The following LRBA variants were observed in gnomAD, a reference collection of about 807,000 sequenced individuals.
LRBA encodes the protein lipopolysaccharide-responsive and beige-like anchor protein.
A neutral mutation model predicts 330.0 loss-of-function variants in LRBA; 176 were observed. The observed-to-expected ratio is 0.53, with a 90% CI of 0.47 to 0.60. The LOEUF is 0.60. Ranked by LOEUF, LRBA falls within the 20% of genes least tolerant of loss-of-function variation. LRBA has a pLI of 0.00. For missense variants in LRBA, 3,259 were observed against 3,444.8 expected, an observed-to-expected ratio of 0.95 and a Z score of 1.35; for synonymous variants, 1,230 against 1,193.0, an observed-to-expected ratio of 1.03 and a Z score of -0.64.
chr4:150,416,792 C>T (rs1451321450), intron 46 of LRBA, among the ~76,000 whole-genome samples: 1 of 151,912 alleles, frequency 6.6e-6, no homozygotes, highest in Non-Finnish European at 1.5e-5. Flanking sequence ...AAGCAAAAAG[C>T]CATATCCAAT....
intron 53 of LRBA, among the ~76,000 whole-genome samples, 170 bp downstream of exon 53, chr4:150,302,455 A>G (rs770691851): frequency 1.3e-5 from 2 of 152,322 alleles, no homozygotes; most frequent in South Asian, 2.1e-4. Context: ...TTAATTATCA[A>G]TGGTCACAAA....
At chr4:150,696,512 A>G (rs1196393019) in intron 36 of LRBA, among the ~76,000 whole-genome samples, 2 of 152,220 alleles carry the variant, frequency 1.3e-5, no homozygotes, top group Non-Finnish European at 2.9e-5. Flanking sequence ...ATTGCCAGTC[A>G]TATAAAGGTA....
chr4:150,371,713 T>G (rs1341439765), intron 47 of LRBA, among the ~76,000 whole-genome samples: 1 of 151,680 alleles, frequency 6.6e-6, no homozygotes, highest in Non-Finnish European at 1.5e-5. Flanking sequence ...TTTATAAATA[T>G]ATAATATTAA....
chr4:151,001,637 C>T (rs1382646462), intron 2 of LRBA, among the ~76,000 whole-genome samples: 2 of 152,094 alleles, frequency 1.3e-5, no homozygotes, highest in African/African-American at 4.8e-5. Flanking sequence ...ACACCCACCG[C>T]CAATATACAC....
chr4:150,639,777 A>ATGTG, intron 37 of LRBA, among the ~76,000 whole-genome samples: 1 of 3,952 alleles, frequency 2.5e-4, no homozygotes, highest in African/African-American at 1.0e-3. Context: ...ATATATATAT[A>ATGTG]TATATGTGTG....
intron 47 of LRBA, among the ~76,000 whole-genome samples, chr4:150,370,261 T>C (rs1011401123): frequency 6.6e-6 from 1 of 152,114 alleles, no homozygotes; most frequent in South Asian, 2.1e-4. Context: ...TTATTCACAA[T>C]TGCCAAAAGT....
intron 29 of LRBA, among the ~76,000 whole-genome samples, 177 bp from the exon 30 acceptor site, chr4:150,828,798 A>G (rs1185467898): frequency 6.6e-6 from 1 of 152,196 alleles, no homozygotes; most frequent in Non-Finnish European, 1.5e-5. Context: ...TGCACCTATT[A>G]TCAAGACAGA....
chr4:150,471,823 T>C (rs1756165112), intron 42 of LRBA, 84 bp from the exon 43 acceptor site: 1 of 733,852 alleles, frequency 1.4e-6, no homozygotes, highest in Admixed American at 2.4e-5. Context: ...TCATTCATAA[T>C]ATCTATAATT....
At chr4:150,916,016 T>C (rs1253791685) in intron 7 of LRBA, among the ~76,000 whole-genome samples, 1 of 152,140 alleles carries the variant, frequency 6.6e-6, no homozygotes, top group Non-Finnish European at 1.5e-5. Flanking sequence ...TTCCACCAAC[T>C]AGATTCCATA....
intron 2 of LRBA, among the ~76,000 whole-genome samples, chr4:150,961,889 T>C (rs1738187593): frequency 6.7e-6 from 1 of 149,408 alleles, no homozygotes; most frequent in Non-Finnish European, 1.5e-5. Flanking sequence ...AAGAATCTTA[T>C]GTATATTAAA....
At chr4:150,388,022 T>C (rs570754789) in intron 47 of LRBA, among the ~76,000 whole-genome samples, 3 of 152,198 alleles carry the variant, frequency 2.0e-5, no homozygotes, top group African/African-American at 7.2e-5. Context: ...GGCTTAAACA[T>C]GAGAAATCTA....
intron 34 of LRBA, among the ~76,000 whole-genome samples, chr4:150,776,946 C>T (rs1737422436): frequency 6.6e-6 from 1 of 151,960 alleles, no homozygotes; most frequent in Admixed American, 6.6e-5. Flanking sequence ...TTGAAAATCT[C>T]TAAAAAATAG....
chr4:150,407,449 AAAAC>A (rs1478755491), intron 47 of LRBA, among the ~76,000 whole-genome samples: 1 of 152,184 alleles, frequency 6.6e-6, no homozygotes, highest in Non-Finnish European at 1.5e-5. Flanking sequence ...TAGCAAAACA[AAAAC>A]AAACAAAAAC....
At chr4:150,644,003 C>T (rs561179845) in intron 37 of LRBA, among the ~76,000 whole-genome samples, 40 of 151,814 alleles carry the variant, frequency 2.6e-4, no homozygotes, top group African/African-American at 8.7e-4. Context: ...TATAGATGAC[C>T]GTGTTTCAAA....
chr4:150,634,132 G>A (rs549638032), intron 37 of LRBA, among the ~76,000 whole-genome samples: 24 of 152,056 alleles, frequency 1.6e-4, no homozygotes, highest in African/African-American at 4.6e-4. Context: ...GAGTTTTCCC[G>A]TCTTCATCTA....
At chr4:150,872,473 T>A (rs1008666968) in intron 18 of LRBA, among the ~76,000 whole-genome samples, 190 bp downstream of exon 18, 1 of 152,182 alleles carries the variant, frequency 6.6e-6, no homozygotes, top group African/African-American at 2.4e-5. Context: ...TAAATAATTT[T>A]ATGTACAAAA....
At chr4:150,445,406 T>TAC (rs1752500422) in intron 44 of LRBA, among the ~76,000 whole-genome samples, 3 of 137,046 alleles carry the variant, frequency 2.2e-5, no homozygotes, top group Admixed American at 7.3e-5. Flanking sequence ...TATATATATA[T>TAC]ATATACATAT....
At chr4:150,442,760 TAAAGGACAGAATATC>T (rs1408941449) in intron 44 of LRBA, among the ~76,000 whole-genome samples, 3 of 152,152 alleles carry the variant, frequency 2.0e-5, no homozygotes, top group African/African-American at 7.2e-5. Context: ...AATGTCAGGT[TAAAGGACAGAATATC>T]ATCAAGCATC....
chr4:150,898,039 T>G (rs1470472687), intron 14 of LRBA, among the ~76,000 whole-genome samples: 2 of 152,028 alleles, frequency 1.3e-5, no homozygotes. Context: ...ATGTTGAAAC[T>G]ACTATGAAGA....
Sources: gnomAD v4.1 joint callset for allele counts (sites outside exome capture counted in the v4.1 genomes callset) on GRCh38, gnomAD v4.1.1 for gene constraint, MANE v1.5 for transcripts, NCBI Gene and HGNC (gene_info 2026-07-23, HGNC 2026-07-21) for gene names.